The following JOSD1 variants were observed in gnomAD, a reference collection of about 807,000 sequenced individuals.
JOSD1 encodes the protein Josephin domain containing 1, also known as josephin-1.
JOSD1 carries 11 observed loss-of-function variants against 24.3 expected under a neutral mutation model. The ratio of observed to expected loss-of-function variants is 0.45; its 90% CI spans 0.29 to 0.75. The LOEUF (loss-of-function observed/expected upper bound fraction) is 0.75. Ranked by LOEUF, JOSD1 falls within the 30% of genes least tolerant of loss-of-function variation. JOSD1 has a pLI of 0.11. For synonymous variants in JOSD1, 106 were observed against 93.8 expected (o/e 1.13, Z -0.75); for missense variants, 184 against 253.5 (o/e 0.73, Z 1.86).
intron 1 of JOSD1, 55 bp from the exon 2 acceptor site, chr22:38,700,673 G>C (rs1279054430): frequency 1.0e-6 from 1 of 978,884 alleles, no homozygotes; most frequent in Admixed American, 6.2e-5. Flanking sequence ...GAAGTGAGCG[G>C]CGGGGCCGGC....
intron 2 of JOSD1, 29 bp from the exon 3 acceptor site, chr22:38,689,453 A>G: frequency 6.2e-7 from 1 of 1,613,082 alleles, no homozygotes. Flanking sequence ...GAGGGCTGAG[A>G]CTTGCTGGAT....
At position 38,687,938 on chromosome 22, in the gene JOSD1, C is replaced by G. The variant is rs776687324; in HGVS notation, c.573G>C (p.Glu191Asp). 1.9e-6 allele frequency: 3 copies of G among 1,614,042 alleles called. No individual in the cohort carries two copies. The highest frequency in any genetic ancestry group is 2.5e-6 in the Non-Finnish European group (3 of 1,179,884). Residue 191 changes from glutamate to aspartate, a missense_variant, in exon 5 of 5, where the codon GAG (glutamate) becomes GAC (aspartate). By Grantham distance (45) the Glu-to-Asp change is conservative (BLOSUM62 2). Transcript: ENST00000683374. ...NCELLLVVPE[E>D]VEAHQSWRTD... Reference sequence around the variant, plus strand: ...TCCTCCAACTCTGATGAGCCTCTACCTCTTCTGGTACCACCAGCAGGAGTT... The same window carrying G: ...TCCTCCAACTCTGATGAGCCTCTACGTCTTCTGGTACCACCAGCAGGAGTT...
intron 2 of JOSD1, 37 bp downstream of exon 2, chr22:38,699,766 T>TATCAGTATC: frequency 6.3e-7 from 1 of 1,593,294 alleles, no homozygotes; most frequent in Non-Finnish European, 8.6e-7. Flanking sequence ...AATCCAGAAA[T>TATCAGTATC]ATCAGTATCA....
chr22:38,688,535 T>G (rs1435056111), intron 4 of JOSD1, among the ~76,000 whole-genome samples: 1 of 152,230 alleles, frequency 6.6e-6, no homozygotes, highest in Non-Finnish European at 1.5e-5. Context: ...AGTGCTGAGA[T>G]TACAGGCGTG....
chr22:38,697,459 G>T (rs2092550388), intron 2 of JOSD1, among the ~76,000 whole-genome samples: 1 of 152,202 alleles, frequency 6.6e-6, no homozygotes, highest in Non-Finnish European at 1.5e-5. Flanking sequence ...TTCCATGTGG[G>T]CATTTAGCAA....
chr22:38,697,056 C>T (rs937671623), intron 2 of JOSD1, among the ~76,000 whole-genome samples: 2 of 152,230 alleles, frequency 1.3e-5, no homozygotes, highest in Non-Finnish European at 2.9e-5. Context: ...TCACTTAAAT[C>T]TAGTCTCAAG....
intron 2 of JOSD1, among the ~76,000 whole-genome samples, chr22:38,698,813 G>C (rs2092555694): frequency 6.6e-6 from 1 of 152,152 alleles, no homozygotes; most frequent in African/African-American, 2.4e-5. Context: ...GGAGTGCAGA[G>C]TGGTGCAATC....
At position 38,696,584 on chromosome 22, in the gene JOSD1, A is replaced by G. The variant is rs113252111; in HGVS notation, c.185+3219T>C. ...GATGAGATCTAATATCTACATCTGT[A>G]TACATATACACTGATGACACTTGCC... On this transcript the variant is annotated intron_variant, in intron 2 of 4. Transcript: ENST00000683374. Among the ~76,000 whole-genome samples, 5 of 152,306 alleles carry G rather than the reference A, an allele frequency of 3.3e-5. No homozygotes were observed. The South Asian group carries it at 8.3e-4, about 25-fold the overall frequency.
intron 1 of JOSD1, 49 bp downstream of exon 1, chr22:38,700,751 C>T (rs2092565816): frequency 3.0e-6 from 3 of 984,044 alleles, no homozygotes; most frequent in Admixed American, 6.2e-5. Context: ...GACAGTCAGC[C>T]TCGCGCTCCC....
chr22:38,694,421 A>C (rs1159208384), intron 2 of JOSD1, among the ~76,000 whole-genome samples: 1 of 152,182 alleles, frequency 6.6e-6, no homozygotes, highest in East Asian at 1.9e-4. Context: ...TGATGATTCC[A>C]GTGGAAAGTA....
At position 38,690,213 on chromosome 22, in the gene JOSD1, G is replaced by C. The variant is rs547701670; in HGVS notation, c.186-789C>G. ...AAGGGTTCAAGGGGCATACCTTTGGGCTTCGTGTGAAGGGGAGAAAGGGAA... is the reference window on the plus strand; with the variant it reads ...AAGGGTTCAAGGGGCATACCTTTGGCCTTCGTGTGAAGGGGAGAAAGGGAA... On this transcript the variant is annotated intron_variant, in intron 2 of 4. Transcript: ENST00000683374. Among the ~76,000 whole-genome samples the C allele has an allele frequency of 2.6e-5, 4 of 152,224 alleles. No individual in the cohort carries two copies. In the South Asian group the frequency reaches 6.2e-4, roughly 24 times the overall value.
Position 38,686,969 on chromosome 22 carries a change from A to G in JOSD1, c.*933T>C, listed in dbSNP as rs2145800520. 1 of 152,370 alleles carries G rather than the reference A, an allele frequency of 6.6e-6. No individual in the cohort carries two copies. Among genetic ancestry groups the G allele is most frequent in the African/African-American group, 2.4e-5 (1 of 41,584 alleles). 9.4% of individuals were successfully genotyped at this position (152,370 alleles called of 1,614,324 possible). On this transcript the variant is annotated 3_prime_UTR_variant, in exon 5 of 5. Transcript: ENST00000683374. ...CCCATGGCTGTCCCAGGTTGGCTTT[A>G]GCCACATCCTGTTCAGTATCCTCCT...
chr22:38,687,684 C>CACTTAAGAACT lies in JOSD1; in HGVS notation c.*217_*218insAGTTCTTAAGT. 1 of 521,268 alleles carries CACTTAAGAACT rather than the reference C, an allele frequency of 1.9e-6. No homozygotes were observed. The highest frequency in any genetic ancestry group is 3.1e-5 in the East Asian group (1 of 32,050). The allele number at this position is 521,268 out of a possible 1,614,324, so 32.3% of individuals were successfully genotyped here. A position where few individuals can be genotyped will look rare whatever the true frequency, so the allele number is the denominator to read the frequency against. On this transcript the variant is annotated 3_prime_UTR_variant, in exon 5 of 5. Transcript: ENST00000683374. ...TAAAACAAGGGTTTGTGACCACTGG[C>CACTTAAGAACT]CTTAAGTGCACAGAACTCCTACCTT...
intron 2 of JOSD1, among the ~76,000 whole-genome samples, chr22:38,695,303 C>A (rs1357147080): frequency 2.6e-5 from 4 of 152,184 alleles, no homozygotes; most frequent in Non-Finnish European, 5.9e-5. Flanking sequence ...TCCACCTGCT[C>A]AAGGACTATG....
chr22:38,694,922 T>C (rs2092538565), intron 2 of JOSD1, among the ~76,000 whole-genome samples: 3 of 151,674 alleles, frequency 2.0e-5, no homozygotes, highest in Admixed American at 6.6e-5. Context: ...CTCCCCACTG[T>C]CTGTGTCCTC....
At position 38,689,117 on chromosome 22, in the gene JOSD1, G is replaced by T. The variant is rs1181317784; in HGVS notation, c.327C>A (p.Val109=). The T allele has an allele frequency of 1.2e-6, 2 of 1,613,748 alleles. No homozygotes were observed. The highest frequency in any genetic ancestry group is 2.7e-5 in the African/African-American group (2 of 75,052). The change falls in exon 4 of 5, where the codon GTC becomes GTA. Residue 109 remains valine (V), a synonymous_variant. Coordinates refer to ENST00000683374, the MANE Select transcript of JOSD1 (RefSeq NM_001360236.2). ...AGCCCATGACGTTAGTGAGGGCAAT[G>T]ACACCGACATCCCTGCAGGGGAGAA... The part of the protein sequence containing the change: ...VWWDKRRDVG[V]IALTNVMGFI...
intron 2 of JOSD1, among the ~76,000 whole-genome samples, chr22:38,697,642 G>A (rs1183435564): frequency 6.6e-6 from 1 of 152,238 alleles, no homozygotes; most frequent in African/African-American, 2.4e-5. Context: ...CAGGAGAGCG[G>A]TTAGCGGGGC....
intron 2 of JOSD1, among the ~76,000 whole-genome samples, chr22:38,694,310 C>A (rs746882240): frequency 6.6e-6 from 1 of 152,182 alleles, no homozygotes; most frequent in Non-Finnish European, 1.5e-5. Flanking sequence ...TCAGGCACAG[C>A]TGGTGAGTGG....
intron 2 of JOSD1, among the ~76,000 whole-genome samples, chr22:38,694,224 G>C (rs2092535263): frequency 6.6e-6 from 1 of 152,194 alleles, no homozygotes; most frequent in Non-Finnish European, 1.5e-5. Flanking sequence ...GCTTTTATGG[G>C]CTTTATCACT....
Sources: allele counts gnomAD v4.1 joint callset (sites outside exome capture counted in the v4.1 genomes callset), GRCh38; gene constraint gnomAD v4.1.1; transcripts MANE v1.5; gene names NCBI Gene and HGNC (gene_info 2026-07-23, HGNC 2026-07-21).